The following ARHGEF39 variants were observed in gnomAD, a reference collection of about 807,000 sequenced individuals.
ARHGEF39 encodes the protein Rho guanine nucleotide exchange factor (GEF) 39.
A neutral mutation model predicts 47.5 loss-of-function variants in ARHGEF39; 45 were observed. That is an observed-to-expected ratio of 0.95 (90% CI 0.75 to 1.22). The LOEUF is 1.22. ARHGEF39 is among the 50% of genes most tolerant of loss of function. The probability of loss-of-function intolerance (pLI) is 0.00; values close to 1 mark genes in which losing one functional copy is unlikely to be tolerated. For synonymous variants in ARHGEF39, 164 were observed against 167.8 expected (o/e 0.98, Z 0.17); for missense variants, 411 against 425.3 (o/e 0.97, Z 0.30).
chr9:35,663,348 T>C lies in ARHGEF39; in HGVS notation c.518A>G (p.Asn173Ser), dbSNP rs749428080. ...TGTGAGCTGTTGATGGTCAGGGCTG[T>C]TGGGACCTGTGTTTTCAGCCAAAGC... ...VVALAENTGP[N>S]SPDHQQLTRA... Residue 173 changes from asparagine (N) to serine (S), a missense_variant, in exon 5 of 9, where the codon AAC becomes AGC. Transcript: ENST00000378387. 1.9e-6 allele frequency: 3 copies of C among 1,614,022 alleles called. No individual in the cohort carries two copies. In the Middle Eastern group the frequency reaches 5.0e-4, roughly 267 times the overall value.
In ARHGEF39 at chr9:35,662,626, T is replaced by C; in HGVS notation, c.789A>G (p.Pro263=). 1 of 1,613,900 alleles carries C rather than the reference T, an allele frequency of 6.2e-7. No homozygotes were observed. The highest frequency in any genetic ancestry group is 8.5e-7 in the Non-Finnish European group (1 of 1,179,946). The change falls in exon 7 of 9, where the codon CCA becomes CCG. Residue 263 remains proline, a synonymous_variant. Transcript: ENST00000378387. ...DVLLMAKPRP[P]LHLLRSGTFA... ...AGGTGCCACTCCGCAGCAGGTGCAG[T>C]GGAGGCCGAGGCTTGGCCATGAGGA...
chr9:35,664,250 A>G, intron 3 of ARHGEF39, 122 bp downstream of exon 3: 1 of 1,518,452 alleles, frequency 6.6e-7, no homozygotes, highest in East Asian at 2.3e-5. Flanking sequence ...GTTTCTCTAC[A>G]AGGAACTTAC....
In ARHGEF39 at chr9:35,662,987, T is replaced by C; in HGVS notation, c.632A>G (p.Gln211Arg). Residue 211 changes from glutamine to arginine, a missense_variant, in exon 6 of 9, where the codon CAG becomes CGG. Transcript: ENST00000378387. ...TGCCTGGCGTCCACTGAGCAGAGCCTGGACACGCCGAAGGTGCTGGTCATT... is the reference window on the plus strand; with the variant it reads ...TGCCTGGCGTCCACTGAGCAGAGCCCGGACACGCCGAAGGTGCTGGTCATT... The part of the protein sequence containing the change: ...QKNDQHLRRV[Q>R]ALLSGRQAKG... 1 of 1,614,044 alleles carries C rather than the reference T, an allele frequency of 6.2e-7. No individual in the cohort carries two copies.
At position 35,660,682 on chromosome 9, in the gene ARHGEF39, A is replaced by C; in HGVS notation, c.*1305T>G. On this transcript the variant is annotated 3_prime_UTR_variant, in exon 9 of 9. Coordinates refer to ENST00000378387, the MANE Select transcript of ARHGEF39 (RefSeq NM_032818.3). ...GCAATGATTCTGTGAATTTTTGGGG[A>C]ATTTGTGGCAGGAGGGAGGAATGGG... The C allele has an allele frequency of 1.9e-6, 3 of 1,613,892 alleles. No individual in the cohort carries two copies. The highest frequency in any genetic ancestry group is 3.3e-4 in the Middle Eastern group (2 of 6,060).
chr9:35,662,961 TTGCC>T lies in ARHGEF39; in HGVS notation c.654_657del (p.Ala219ArgfsTer3). The T allele has an allele frequency of 3.1e-6, 5 of 1,607,238 alleles. No homozygotes were observed. Among genetic ancestry groups the T allele is most frequent in the Non-Finnish European group, 3.4e-6 (4 of 1,174,486 alleles). On this transcript the variant is annotated frameshift_variant, in exon 6 of 9. Transcript: ENST00000378387. LOFTEE classifies it high-confidence loss of function. ...GGCAAGCTACCTGAGGTCAGCCCCT[TTGCC>T]TGGCGTCCACTGAGCAGAGCCTGGA...
Position 35,660,225 on chromosome 9 carries a change from C to A in ARHGEF39, c.*1762G>T, listed in dbSNP as rs190298739. 1.2e-5 allele frequency: 7 copies of A among 578,742 alleles called. No individual in the cohort carries two copies. The Admixed American group carries it at 1.7e-4, about 14-fold the overall frequency. 35.9% of individuals were successfully genotyped at this position (578,742 alleles called of 1,614,324 possible). ...AACTGACCATGTGTGGGACATAGGACGTCGCTTCATATGCTGGGTGAGGAG... is the reference window on the plus strand; with the variant it reads ...AACTGACCATGTGTGGGACATAGGAAGTCGCTTCATATGCTGGGTGAGGAG... On this transcript the variant is annotated 3_prime_UTR_variant, in exon 9 of 9. Transcript: ENST00000378387.
At position 35,664,122 on chromosome 9, in the gene ARHGEF39, T is replaced by C. The variant is rs775172923; in HGVS notation, c.359A>G (p.Gln120Arg). Residue 120 changes from glutamine (Q) to arginine (R), a missense_variant, in exon 4 of 9, where the codon CAG becomes CGG. Physicochemically the swap from Gln to Arg is conservative, Grantham distance 43. Coordinates refer to ENST00000378387, the MANE Select transcript of ARHGEF39 (RefSeq NM_032818.3). ...CCGGAAACCTTTATTTTTCTTTAGC[T>C]GCTCCTGGAGTGAGGGAGAAAGGAT... ...SERSQTTLQE[Q>R]LKKNKGFRRF... 25 of 1,613,820 alleles carry C rather than the reference T, an allele frequency of 1.5e-5. 1 individual carries two copies. Among genetic ancestry groups the C allele is most frequent in the Middle Eastern group, 3.3e-4 (2 of 6,082 alleles).
Position 35,663,049 on chromosome 9 carries a change from A to T in ARHGEF39, c.570T>A (p.Thr190=). The T allele has an allele frequency of 1.2e-6, 2 of 1,612,772 alleles. No individual in the cohort carries two copies. Among genetic ancestry groups the T allele is most frequent in the Non-Finnish European group, 1.7e-6 (2 of 1,178,936 alleles). The change falls in exon 6 of 9, where the codon ACT becomes ACA. Residue 190 remains threonine (T), a synonymous_variant. Coordinates refer to ENST00000378387, the MANE Select transcript of ARHGEF39 (RefSeq NM_032818.3). The stretch of plus-strand genomic sequence containing the variant: ...GACCAATAGTATGGACTCTCTGGGC[A>T]GTCTCACTTATCAGTCGGGCAGCCC... ...LTRAARLISE[T]AQRVHTIGQK... is the part of the protein sequence containing the mutation.
Position 35,661,669 on chromosome 9 carries a change from T to C in ARHGEF39, c.*318A>G. 2.4e-6 allele frequency: 1 copy of C among 420,300 alleles called. No individual in the cohort carries two copies. The allele number at this position is 420,300 out of a possible 1,614,324, so 26.0% of individuals were successfully genotyped here. On this transcript the variant is annotated 3_prime_UTR_variant, in exon 9 of 9. Transcript: ENST00000378387. Reference sequence around the variant, plus strand: ...TCCTGATTCTTCTTTTTTAATAAAATTTCTTAATTATTTTTTCTTAAATAG... The same window carrying C: ...TCCTGATTCTTCTTTTTTAATAAAACTTCTTAATTATTTTTTCTTAAATAG...
At position 35,665,038 on chromosome 9, in the gene ARHGEF39, CA is replaced by C; in HGVS notation, c.131del (p.Val44GlyfsTer9). 1 of 1,560,040 alleles carries C rather than the reference CA, an allele frequency of 6.4e-7. No homozygotes were observed. Among genetic ancestry groups the C allele is most frequent in the Non-Finnish European group, 8.7e-7 (1 of 1,153,870 alleles). ...CGTGTGCCAGGTCCCCCACCGTGGC[CA>C]CCAGCCCCAGCTGTTCTTGGTAGCG... ...ERRYQEQLGLVATYFLGILKA... is the reference protein window; with the variant it reads ...ERRYQEQLGLXATYFLGILKA... On this transcript the variant is annotated frameshift_variant, in exon 1 of 9. Transcript: ENST00000378387. LOFTEE classifies it high-confidence loss of function.
Position 35,660,636 on chromosome 9 carries a change from C to A in ARHGEF39, c.*1351G>T. 6.2e-7 allele frequency: 1 copy of A among 1,614,176 alleles called. No individual in the cohort carries two copies. Among genetic ancestry groups the A allele is most frequent in the Non-Finnish European group, 8.5e-7 (1 of 1,180,026 alleles). On this transcript the variant is annotated 3_prime_UTR_variant, in exon 9 of 9. Transcript: ENST00000378387. ...ACAACCTGATGGCCCAGCTGGACCC[C>A]CTTTTTGAGCGGTGAGGAGAGCAAT...
chr9:35,661,415 A>G lies in ARHGEF39; in HGVS notation c.*572T>C, dbSNP rs1349188117. On this transcript the variant is annotated 3_prime_UTR_variant, in exon 9 of 9. Transcript: ENST00000378387. Reference sequence around the variant, plus strand: ...CCCAAAAATCCCTTTTCTCATAGCAAAACTGAGACAGAAGGGTCTTTCCCA... The same window carrying G: ...CCCAAAAATCCCTTTTCTCATAGCAGAACTGAGACAGAAGGGTCTTTCCCA... 2.2e-6 allele frequency: 1 copy of G among 457,032 alleles called. No homozygotes were observed. The highest frequency in any genetic ancestry group is 3.3e-5 in the East Asian group (1 of 30,376). 28.3% of individuals were successfully genotyped at this position (457,032 alleles called of 1,614,324 possible). A position where few individuals can be genotyped will look rare whatever the true frequency, so the allele number is the denominator to read the frequency against.
Position 35,665,070 on chromosome 9 carries a change from C to T in ARHGEF39, c.100G>A (p.Glu34Lys), listed in dbSNP as rs747185130. ...CCCAGCTGTTCTTGGTAGCGCCGCT[C>T]GGTCTCTAGCAGCTCCCGGGCGGTG... ...ACTARELLET[E>K]RRYQEQLGLV... Residue 34 changes from glutamate (E) to lysine (K), a missense_variant, in exon 1 of 9, where the codon GAG (glutamate) becomes AAG (lysine). Coordinates refer to ENST00000378387, the MANE Select transcript of ARHGEF39 (RefSeq NM_032818.3). 9.6e-6 allele frequency: 15 copies of T among 1,561,278 alleles called. No homozygotes were observed. In the South Asian group the frequency reaches 1.8e-4, roughly 18 times the overall value.
chr9:35,662,580 G>A lies in ARHGEF39; in HGVS notation c.835C>T (p.Pro279Ser). 1 of 1,614,214 alleles carries A rather than the reference G, an allele frequency of 6.2e-7. No individual in the cohort carries two copies. Among genetic ancestry groups the A allele is most frequent in the Non-Finnish European group, 8.5e-7 (1 of 1,180,050 alleles). ...SGTFACKALY[P>S]MAQCHLSRVF... Reference sequence around the variant, plus strand: ...CTGCTGAGATGACACTGGGCCATGGGGTAGAGGGCCTTGCAGGCAAAGGTG... The same window carrying A: ...CTGCTGAGATGACACTGGGCCATGGAGTAGAGGGCCTTGCAGGCAAAGGTG... Residue 279 changes from proline (P) to serine (S), a missense_variant, in exon 7 of 9, where the codon CCC becomes TCC. Pro to Ser is a moderately conservative substitution (Grantham distance 74, BLOSUM62 -1). Transcript: ENST00000378387.
rs768953113 is a variant in ARHGEF39, at chr9:35,660,351, G to A, written c.*1636C>T. The A allele has an allele frequency of 6.7e-7, 1 of 1,487,390 alleles. No homozygotes were observed. Among genetic ancestry groups the A allele is most frequent in the South Asian group, 1.3e-5 (1 of 75,784 alleles). 92.1% of individuals were successfully genotyped at this position (1,487,390 alleles called of 1,614,324 possible). ...GGCTGGCTCTGGAGACTGAGGTGAT[G>A]GAGCAGAACCTTGTTGCTTCAGTAC... On this transcript the variant is annotated 3_prime_UTR_variant, in exon 9 of 9. Coordinates refer to ENST00000378387, the MANE Select transcript of ARHGEF39 (RefSeq NM_032818.3).
chr9:35,663,480 T>A, intron 4 of ARHGEF39, 88 bp from the exon 5 acceptor site: 3 of 1,155,372 alleles, frequency 2.6e-6, no homozygotes. Context: ...CTACCCATAC[T>A]TCAATTGAAG....
Position 35,662,956 on chromosome 9 carries a change from C to T in ARHGEF39, c.663G>A (p.Gly221=). The T allele has an allele frequency of 1.2e-6, 2 of 1,605,970 alleles. No homozygotes were observed. Among genetic ancestry groups the T allele is most frequent in the African/African-American group, 1.3e-5 (1 of 74,876 alleles). ...AAGTAGGCAAGCTACCTGAGGTCAG[C>T]CCCTTTGCCTGGCGTCCACTGAGCA... The part of the protein sequence containing the change: ...QALLSGRQAK[G]LTSGRWFLRQ... Residue 221 remains glycine (G), a synonymous_variant, in exon 6 of 9, where the codon GGG becomes GGA. Transcript: ENST00000378387.
Position 35,661,311 on chromosome 9 carries a change from T to C in ARHGEF39, c.*676A>G. ...AGGACAAAAAGAGGCTGCCTTCCAG[T>C]GTGACAGCAGAGAAGATAGAGGGAG... On this transcript the variant is annotated 3_prime_UTR_variant, in exon 9 of 9. Transcript: ENST00000378387. 1 of 667,252 alleles carries C rather than the reference T, an allele frequency of 1.5e-6. No individual in the cohort carries two copies. The highest frequency in any genetic ancestry group is 2.5e-6 in the Non-Finnish European group (1 of 394,346). 41.3% of individuals were successfully genotyped at this position (667,252 alleles called of 1,614,324 possible). A position where few individuals can be genotyped will look rare whatever the true frequency, so the allele number is the denominator to read the frequency against.
chr9:35,660,776 G>A lies in ARHGEF39; in HGVS notation c.*1211C>T. The A allele has an allele frequency of 1.9e-6, 3 of 1,614,034 alleles. No individual in the cohort carries two copies. The highest frequency in any genetic ancestry group is 2.5e-6 in the Non-Finnish European group (3 of 1,179,920). On this transcript the variant is annotated 3_prime_UTR_variant, in exon 9 of 9. Transcript: ENST00000378387. ...CTACTCTGGCTGGAGCCCAGCAGGA[G>A]CTTCTGAACATGAAGCTATGGACCA...
Sources: allele counts gnomAD v4.1 joint callset, GRCh38; gene constraint gnomAD v4.1.1; transcripts MANE v1.5; gene names NCBI Gene and HGNC (gene_info 2026-07-23, HGNC 2026-07-21).